Variants in COCH observed in about 807,000 individuals in gnomAD.
COCH encodes the protein coagulation factor C homolog, cochlin (Limulus polyphemus).
A neutral mutation model predicts 54.8 loss-of-function variants in COCH; 40 were observed. That is an observed-to-expected ratio of 0.73 (90% CI 0.57 to 0.95). COCH has a LOEUF of 0.95. Ranked by LOEUF, COCH falls within the 40% of genes least tolerant of loss-of-function variation. The pLI is 0.00. For synonymous variants in COCH, 256 were observed against 237.9 expected, an observed-to-expected ratio of 1.08 and a Z score of -0.70; for missense variants, 605 against 675.0, an observed-to-expected ratio of 0.90 and a Z score of 1.15.
At chr14:30,884,480 T>C in intron 8 of COCH, 73 bp from the exon 9 acceptor site, 1 of 1,036,082 alleles carries the variant, frequency 9.7e-7, no homozygotes, top group Non-Finnish European at 1.5e-6. Flanking sequence ...TAAAACTGTT[T>C]TTTAAGGCAT....
Position 30,890,506 on chromosome 14 carries a change from AGT to A in COCH, c.*716_*717del, listed in dbSNP as rs1203823218. Reference sequence around the variant, plus strand: ...AAGTACTTAAAAGTTAAGTTGGTAAAGTATTTACTGACTGCTTATAAACATTT... The same window carrying A: ...AAGTACTTAAAAGTTAAGTTGGTAAAATTTACTGACTGCTTATAAACATTT... On this transcript the variant is annotated 3_prime_UTR_variant, in exon 12 of 12. Coordinates refer to ENST00000396618, the MANE Select transcript of COCH (RefSeq NM_004086.3). 13 of 917,060 alleles carry A rather than the reference AGT, an allele frequency of 1.4e-5. No individual in the cohort carries two copies. In the African/African-American group the frequency reaches 2.7e-4, roughly 19 times the overall value. 56.8% of individuals were successfully genotyped at this position (917,060 alleles called of 1,614,324 possible).
At chr14:30,878,564 G>A (rs1234324015) in intron 4 of COCH, among the ~76,000 whole-genome samples, 1 of 152,184 alleles carries the variant, frequency 6.6e-6, no homozygotes, top group Non-Finnish European at 1.5e-5. Flanking sequence ...GGCTGAGGCA[G>A]GAGAATCACT....
In COCH at chr14:30,889,672, A is replaced by G; in HGVS notation, c.1534A>G (p.Met512Val). The G allele has an allele frequency of 6.2e-7, 1 of 1,614,080 alleles. No homozygotes were observed. Among genetic ancestry groups the G allele is most frequent in the Non-Finnish European group, 8.5e-7 (1 of 1,179,924 alleles). The change falls in exon 12 of 12, where the codon ATG becomes GTG. Residue 512 changes from methionine to valine, a missense_variant. Coordinates refer to ENST00000396618, the MANE Select transcript of COCH (RefSeq NM_004086.3). ...AWAPLDDLKDMASKPKESHAF... is the reference protein window; with the variant it reads ...AWAPLDDLKDVASKPKESHAF... ...GGCACCTCTGGATGACCTGAAAGAT[A>G]TGGCTTCTAAACCGAAGGAGTCTCA...
At chr14:30,889,578 C>G (rs1381446572) in intron 11 of COCH, 38 bp from the exon 12 acceptor site, 9 of 1,576,336 alleles carry the variant, frequency 5.7e-6, no homozygotes, top group Non-Finnish European at 7.9e-6. Flanking sequence ...ATTAGCTAGA[C>G]CTGATTTTCA....
At chr14:30,892,349 A>G (rs1161822495), downstream of COCH, among the ~76,000 whole-genome samples, 2 of 152,210 alleles carry the variant, frequency 1.3e-5, no homozygotes, top group African/African-American at 4.8e-5. Context: ...CAGATCAATG[A>G]TAATGTACTG....
In COCH at chr14:30,885,971, G is replaced by GAGAT. The variant is rs777627665; in HGVS notation, c.1139_1142dup (p.Ser381ArgfsTer2). 5.0e-6 allele frequency: 8 copies of GAGAT among 1,614,098 alleles called. No individual in the cohort carries two copies. Among genetic ancestry groups the GAGAT allele is most frequent in the African/African-American group, 1.3e-5 (1 of 74,932 alleles). On this transcript the variant is annotated frameshift_variant, in exon 11 of 12. Coordinates refer to ENST00000396618, the MANE Select transcript of COCH (RefSeq NM_004086.3). LOFTEE classifies it high-confidence loss of function. ...CTAATTGATGGCTCCAGCAGTGTTG[G>GAGAT]AGATAGCAATTTCCGCCTCATGCTT...
chr14:30,883,214 T>C (rs1406900482), intron 8 of COCH, among the ~76,000 whole-genome samples: 1 of 152,242 alleles, frequency 6.6e-6, no homozygotes, highest in Non-Finnish European at 1.5e-5. Context: ...AATCCTTACA[T>C]ATTTTTTTCT....
rs2138900984 is a variant in COCH, at chr14:30,890,397, GAGC to G, written c.*609_*611del. 2 of 984,402 alleles carry G rather than the reference GAGC, an allele frequency of 2.0e-6. No individual in the cohort carries two copies. The highest frequency in any genetic ancestry group is 2.4e-6 in the Non-Finnish European group (2 of 829,042). The allele number at this position is 984,402 out of a possible 1,614,324, so 61.0% of individuals were successfully genotyped here. A position where few individuals can be genotyped will look rare whatever the true frequency, so the allele number is the denominator to read the frequency against. ...ACTAAAAATATCACACTGAATAAGAGAGCAGGATTGCCAGGTATTTTTCTATTT... is the reference window on the plus strand; with the variant it reads ...ACTAAAAATATCACACTGAATAAGAGAGGATTGCCAGGTATTTTTCTATTT... On this transcript the variant is annotated 3_prime_UTR_variant, in exon 12 of 12. Transcript: ENST00000396618.
At chr14:30,887,714 C>T (rs1360764713) in intron 11 of COCH, among the ~76,000 whole-genome samples, 1 of 152,110 alleles carries the variant, frequency 6.6e-6, no homozygotes. Context: ...TTTTTCCTTT[C>T]TACACATTAG....
At chr14:30,888,739 C>T (rs1213715869) in intron 11 of COCH, among the ~76,000 whole-genome samples, 3 of 149,994 alleles carry the variant, frequency 2.0e-5, no homozygotes, top group African/African-American at 7.4e-5. Context: ...TGCAGTGAGC[C>T]TTGATTGTAC....
rs61175020 is a variant in COCH at position 30,882,120 on chromosome 14, GTTTTTT to G, written c.629+1408_629+1413del. On this transcript the variant is annotated intron_variant, in intron 8 of 11. Coordinates refer to ENST00000396618, the MANE Select transcript of COCH (RefSeq NM_004086.3). Reference sequence around the variant, plus strand: ...CCCTAGAGATAATCACTATAAAATGGTTTTTTTTTTTTTTTTTTTTTTTTTTTGAGA... The same window carrying G: ...CCCTAGAGATAATCACTATAAAATGGTTTTTTTTTTTTTTTTTTTTTGAGA... Among the ~76,000 whole-genome samples, 30 of 67,910 alleles carry G rather than the reference GTTTTTT, an allele frequency of 4.4e-4. 1 individual carries two copies. Among genetic ancestry groups the G allele is most frequent in the African/African-American group, 1.1e-3 (16 of 15,210 alleles). 44.6% of individuals were successfully genotyped at this position (67,910 alleles called of 152,430 possible). A position where few individuals can be genotyped will look rare whatever the true frequency, so the allele number is the denominator to read the frequency against.
chr14:30,889,517 C>T (rs751002031), intron 11 of COCH, 99 bp from the exon 12 acceptor site: 146 of 1,057,138 alleles, frequency 1.4e-4, no homozygotes, highest in African/African-American at 1.1e-3. Flanking sequence ...AAGCAGTTTT[C>T]GCTGCAACTA....
downstream of COCH, among the ~76,000 whole-genome samples, chr14:30,892,202 A>G (rs370729699): frequency 3.9e-5 from 6 of 152,364 alleles, no homozygotes; most frequent in East Asian, 9.6e-4. Flanking sequence ...GTCTCTTCCA[A>G]ATGTTTAATA....
At chr14:30,890,972 A>G (rs1383070701), downstream of COCH, among the ~76,000 whole-genome samples, 1 of 152,004 alleles carries the variant, frequency 6.6e-6, no homozygotes, top group Admixed American at 6.6e-5. Flanking sequence ...CGAGGAGGTC[A>G]AGGCTACAGT....
downstream of COCH, among the ~76,000 whole-genome samples, chr14:30,893,002 C>T (rs1896023030): frequency 6.6e-6 from 1 of 152,104 alleles, no homozygotes; most frequent in South Asian, 2.1e-4. Flanking sequence ...ATTTCATCTG[C>T]AATTCCCTTC....
At chr14:30,884,952 G>A (rs777432293) in intron 9 of COCH, 20 of 1,598,148 alleles carry the variant, frequency 1.3e-5, no homozygotes, top group Non-Finnish European at 1.7e-5. Flanking sequence ...CTAAAAAGAA[G>A]TGAAAATCAA....
rs142011283 is a variant in COCH, at chr14:30,884,751, G to T, written c.733+95G>T. 204 of 1,285,420 alleles carry T rather than the reference G, an allele frequency of 1.6e-4. No individual in the cohort carries two copies. In the East Asian group the frequency reaches 4.5e-3, roughly 28 times the overall value. The allele number at this position is 1,285,420 out of a possible 1,614,324, so 79.6% of individuals were successfully genotyped here. On this transcript the variant is annotated intron_variant, in intron 9 of 11. Coordinates refer to ENST00000396618, the MANE Select transcript of COCH (RefSeq NM_004086.3). ...ATTATGCTATTTTATATGAGCAGAT[G>T]TGAAATCCTCCTGGAACTGAAATCT...
At chr14:30,883,064 G>A (rs958593584) in intron 8 of COCH, among the ~76,000 whole-genome samples, 7 of 152,084 alleles carry the variant, frequency 4.6e-5, no homozygotes, top group Non-Finnish European at 1.0e-4. Flanking sequence ...TTTTTGGCAT[G>A]AGAAGAAAAT....
Position 30,886,199 on chromosome 14 carries a change from G to C in COCH, c.1364G>C (p.Arg455Thr), listed in dbSNP as rs757774488. The change falls in exon 11 of 12, where the codon AGA becomes ACA. Residue 455 changes from arginine (R) to threonine (T), a missense_variant. Transcript: ENST00000396618. The part of the protein sequence containing the change: ...ATGDAISFTV[R>T]NVFGPIRESP... ...GGTGATGCCATTTCCTTCACTGTTA[G>C]AAATGTGTTTGGCCCTATAAGGGAG... 2 of 1,611,368 alleles carry C rather than the reference G, an allele frequency of 1.2e-6. No individual in the cohort carries two copies. Among genetic ancestry groups the C allele is most frequent in the South Asian group, 1.1e-5 (1 of 90,950 alleles).
Sources: gnomAD v4.1 joint callset for allele counts (sites outside exome capture counted in the v4.1 genomes callset) on GRCh38, gnomAD v4.1.1 for gene constraint, MANE v1.5 for transcripts, NCBI Gene and HGNC (gene_info 2026-07-23, HGNC 2026-07-21) for gene names.